Variants in PSD3 observed in about 807,000 individuals in gnomAD.
PSD3 encodes pleckstrin and Sec7 domain containing 3, also known as PH and SEC7 domain-containing protein 3.
PSD3 carries 49 observed loss-of-function variants against 105.5 expected under a neutral mutation model. That is an observed-to-expected ratio of 0.46 (90% CI 0.37 to 0.59). PSD3 has a LOEUF of 0.59. Among genes scored for constraint, PSD3 ranks in the 20% least tolerant of loss-of-function variants. The pLI is 0.00. For missense variants in PSD3, 1,561 were observed against 1,263.8 expected (o/e 1.24, Z -3.57); for synonymous variants, 557 against 457.8 (o/e 1.22, Z -2.77).
intron 9 of PSD3, chr8:18,721,273 C>A (rs1802953822): frequency 6.6e-6 from 1 of 151,300 alleles, no homozygotes; most frequent in African/African-American, 2.4e-5. Context: ...AAAAACCTGC[C>A]AATGTTCCAA....
chr8:18,806,363 A>T (rs747972055), intron 4 of PSD3, among the ~76,000 whole-genome samples: 1 of 152,232 alleles, frequency 6.6e-6, no homozygotes, highest in Non-Finnish European at 1.5e-5. Context: ...TCCACAGGCA[A>T]CACGTTGAGA....
At chr8:18,765,719 G>C (rs1172817233) in intron 8 of PSD3, among the ~76,000 whole-genome samples, 181 bp from the exon 9 acceptor site, 1 of 152,128 alleles carries the variant, frequency 6.6e-6, no homozygotes, top group African/African-American at 2.4e-5. Flanking sequence ...GAGGTCAGGA[G>C]ATAGAGACCA....
chr8:18,960,517 A>G (rs1823848363), intron 1 of PSD3, among the ~76,000 whole-genome samples: 1 of 152,216 alleles, frequency 6.6e-6, no homozygotes, highest in Non-Finnish European at 1.5e-5. Flanking sequence ...AAATCAAGAA[A>G]AGAAATTAGG....
intron 1 of PSD3, among the ~76,000 whole-genome samples, chr8:19,013,050 G>A (rs1827028243): frequency 6.6e-6 from 1 of 152,154 alleles, no homozygotes; most frequent in Admixed American, 6.5e-5. Flanking sequence ...AGAACGGAAA[G>A]CTGAAAACGG....
intron 9 of PSD3, among the ~76,000 whole-genome samples, chr8:18,727,063 C>A (rs966593591): frequency 3.3e-5 from 5 of 152,024 alleles, no homozygotes; most frequent in South Asian, 4.2e-4. Context: ...GCAGGCCAGG[C>A]GCAGTGGCTC....
intron 9 of PSD3, among the ~76,000 whole-genome samples, chr8:18,664,843 T>C (rs1799354578): frequency 1.3e-5 from 2 of 152,222 alleles, no homozygotes; most frequent in African/African-American, 4.8e-5. Flanking sequence ...CTGAAAATCC[T>C]GAGGCCCTTA....
At chr8:18,564,186 A>G (rs553872715) in intron 14 of PSD3, among the ~76,000 whole-genome samples, 1 of 152,112 alleles carries the variant, frequency 6.6e-6, no homozygotes, top group South Asian at 2.1e-4. Context: ...ACAGTGGAAA[A>G]TGTAGTTTAT....
intron 1 of PSD3, among the ~76,000 whole-genome samples, chr8:18,938,283 T>C (rs10100783): frequency 0.44 from 67,126 of 151,874 alleles, 16,415 homozygotes; most frequent in East Asian, 0.67. Context: ...AAAATATATT[T>C]TGTAGGAAGA....
At chr8:18,539,580 G>A (rs1222328395) in intron 15 of PSD3, among the ~76,000 whole-genome samples, 1 of 131,400 alleles carries the variant, frequency 7.6e-6, no homozygotes, top group Non-Finnish European at 1.6e-5. Flanking sequence ...ACGGAGTCTT[G>A]CTCTGTCTCC....
At chr8:18,604,324 C>A (rs1804659033) in intron 11 of PSD3, among the ~76,000 whole-genome samples, 1 of 152,090 alleles carries the variant, frequency 6.6e-6, no homozygotes, top group Non-Finnish European at 1.5e-5. Context: ...TGTGCCTTTG[C>A]CCTAGGGATC....
intron 9 of PSD3, among the ~76,000 whole-genome samples, chr8:18,698,147 C>A (rs115209676): frequency 9.9e-4 from 150 of 152,248 alleles, no homozygotes; most frequent in African/African-American, 3.2e-3. Context: ...AGCCCAGGCT[C>A]AAGTGCAGTG....
chr8:18,604,454 G>A (rs745870113), intron 11 of PSD3, among the ~76,000 whole-genome samples: 5 of 152,042 alleles, frequency 3.3e-5, no homozygotes, highest in African/African-American at 7.2e-5. Context: ...ATATGTGTGA[G>A]CAAAGAAATG....
chr8:18,713,659 T>C (rs1802394148), intron 9 of PSD3, among the ~76,000 whole-genome samples: 1 of 152,216 alleles, frequency 6.6e-6, no homozygotes, highest in Non-Finnish European at 1.5e-5. Context: ...AAACGTTCTA[T>C]GCTCATGGAT....
intron 1 of PSD3, chr8:18,989,254 G>A (rs13271868): frequency 0.31 from 46,696 of 151,944 alleles, 7,371 homozygotes; most frequent in Non-Finnish European, 0.35. Context: ...AATTTTTGAA[G>A]TGGTTTCATT....
intron 15 of PSD3, among the ~76,000 whole-genome samples, chr8:18,543,823 T>C (rs1800287616): frequency 6.6e-6 from 1 of 152,140 alleles, no homozygotes; most frequent in Non-Finnish European, 1.5e-5. Flanking sequence ...TTTAATCATA[T>C]CCACACATAT....
At chr8:18,840,065 G>C (rs924099935) in intron 4 of PSD3, among the ~76,000 whole-genome samples, 3 of 152,130 alleles carry the variant, frequency 2.0e-5, no homozygotes, top group Non-Finnish European at 4.4e-5. Flanking sequence ...TCATTCCATG[G>C]ACCTTTAAGA....
At chr8:18,824,045 T>C (rs1812973233) in intron 4 of PSD3, among the ~76,000 whole-genome samples, 1 of 151,912 alleles carries the variant, frequency 6.6e-6, no homozygotes, top group South Asian at 2.1e-4. Context: ...TATCTGTACA[T>C]GTCTGTGGTC....
intron 1 of PSD3, among the ~76,000 whole-genome samples, chr8:19,024,245 C>G (rs1294111629): frequency 6.6e-6 from 1 of 152,082 alleles, no homozygotes; most frequent in Non-Finnish European, 1.5e-5. Context: ...TCTTTTTTCC[C>G]AAAGATACGT....
intron 1 of PSD3, among the ~76,000 whole-genome samples, chr8:18,989,989 A>G (rs116101852): frequency 0.016 from 2,388 of 152,300 alleles, 62 homozygotes; most frequent in African/African-American, 0.055. Context: ...GCAGAAATCT[A>G]TGTCATTCTT....
Sources: gnomAD v4.1 joint callset for allele counts (sites outside exome capture counted in the v4.1 genomes callset) on GRCh38, gnomAD v4.1.1 for gene constraint, MANE v1.5 for transcripts, NCBI Gene and HGNC (gene_info 2026-07-23, HGNC 2026-07-21) for gene names.